Variants in ZMAT3 observed in about 807,000 individuals in gnomAD.
ZMAT3 encodes zinc finger matrin-type 3, also known as zinc finger matrin-type protein 3.
A neutral mutation model predicts 32.3 loss-of-function variants in ZMAT3; 17 were observed. The ratio of observed to expected loss-of-function variants is 0.53; its 90% CI spans 0.36 to 0.79. ZMAT3 has a LOEUF of 0.79. Ranked by LOEUF, ZMAT3 falls within the 30% of genes least tolerant of loss-of-function variation. The pLI, the probability that ZMAT3 is intolerant of heterozygous loss-of-function variation, is 0.00. For synonymous variants in ZMAT3, 120 were observed against 133.1 expected (o/e 0.90, Z 0.68); for missense variants, 329 against 359.7 (o/e 0.91, Z 0.69).
chr3:179,053,230 G>T (rs1364704848), intron 2 of ZMAT3, among the ~76,000 whole-genome samples: 1 of 149,870 alleles, frequency 6.7e-6, no homozygotes, highest in Non-Finnish European at 1.5e-5. Flanking sequence ...AAATTCTATA[G>T]ATATAAAATA....
chr3:179,071,856 G>A (rs1721745930), upstream of ZMAT3: 1 of 152,558 alleles, frequency 6.6e-6, no homozygotes, highest in African/African-American at 2.4e-5. Flanking sequence ...CGCCGGCTCG[G>A]CGTCGCCACT....
At chr3:179,033,531 A>G (rs901803493) in intron 2 of ZMAT3, among the ~76,000 whole-genome samples, 1 of 134,408 alleles carries the variant, frequency 7.4e-6, no homozygotes, top group African/African-American at 3.0e-5. Flanking sequence ...GAAAGAAAAG[A>G]AAAGAAAAGA....
rs754690233 is a variant in ZMAT3, at chr3:179,067,444, T to C, written c.270+39A>G. 7.5e-6 allele frequency: 12 copies of C among 1,604,540 alleles called. No individual in the cohort carries two copies. The South Asian group carries it at 1.1e-4, about 15-fold the overall frequency. On this transcript the variant is annotated intron_variant, in intron 2 of 5. Coordinates refer to ENST00000311417, the MANE Select transcript of ZMAT3 (RefSeq NM_022470.4). ...CTAAATAGCCAGAGCCCTGAAATGT[T>C]CACCCTACTCAATGCCTGGTTTTCT... is the stretch of plus-strand genomic sequence containing the variant.
intron 3 of ZMAT3, 49 bp from the exon 4 acceptor site, chr3:179,027,861 T>C: frequency 6.5e-7 from 1 of 1,548,758 alleles, no homozygotes; most frequent in Non-Finnish European, 8.7e-7. Context: ...AATACAGAGT[T>C]TCCTCCTTCT....
Position 179,023,479 on chromosome 3 carries a change from G to A in ZMAT3, c.*1538C>T, listed in dbSNP as rs1718657241. ...CTCTGTGTATAAAACAGCAGGTGGT[G>A]ATATTTTTCAGGATGGCCACCAGAC... is the stretch of plus-strand genomic sequence containing the variant. On this transcript the variant is annotated 3_prime_UTR_variant, in exon 6 of 6. Transcript: ENST00000311417. The A allele has an allele frequency of 6.6e-6, 1 of 150,652 alleles. No individual in the cohort carries two copies. Among genetic ancestry groups the A allele is most frequent in the Non-Finnish European group, 1.5e-5 (1 of 67,810 alleles). The allele number at this position is 150,652 out of a possible 1,614,324, so 9.3% of individuals were successfully genotyped here. A position where few individuals can be genotyped will look rare whatever the true frequency, so the allele number is the denominator to read the frequency against.
At position 179,018,551 on chromosome 3, in the gene ZMAT3, A is replaced by G. The variant is rs1011110836; in HGVS notation, c.*6466T>C. On this transcript the variant is annotated 3_prime_UTR_variant, in exon 6 of 6. Coordinates refer to ENST00000311417, the MANE Select transcript of ZMAT3 (RefSeq NM_022470.4). ...CCATGAATTTTATCAAACACACACA[A>G]GAATATGAATCTGGAACATTTCAAT... 3 of 152,180 alleles carry G rather than the reference A, an allele frequency of 2.0e-5. No individual in the cohort carries two copies. Among genetic ancestry groups the G allele is most frequent in the African/African-American group, 7.2e-5 (3 of 41,464 alleles). The allele number at this position is 152,180 out of a possible 1,614,324, so 9.4% of individuals were successfully genotyped here.
intron 5 of ZMAT3, 97 bp from the exon 6 acceptor site, chr3:179,025,325 T>C: frequency 9.5e-7 from 1 of 1,055,394 alleles, no homozygotes; most frequent in South Asian, 1.6e-5. Flanking sequence ...AAGTTCAAAT[T>C]ATAAAATTCA....
chr3:179,042,509 T>C (rs1343119205), intron 2 of ZMAT3, among the ~76,000 whole-genome samples: 1 of 152,180 alleles, frequency 6.6e-6, no homozygotes, highest in Non-Finnish European at 1.5e-5. Flanking sequence ...AAAAGGCCTT[T>C]GACAAAACTC....
At chr3:179,027,872 C>T in intron 3 of ZMAT3, 60 bp from the exon 4 acceptor site, 2 of 1,514,820 alleles carry the variant, frequency 1.3e-6, no homozygotes, top group Non-Finnish European at 1.8e-6. Context: ...TCCTCCTTCT[C>T]CTCAAAGGTC....
intron 2 of ZMAT3, among the ~76,000 whole-genome samples, chr3:179,031,282 G>A (rs544785873): frequency 3.4e-4 from 51 of 150,584 alleles, no homozygotes; most frequent in African/African-American, 7.1e-4. Context: ...GAAATATCAC[G>A]GTTTTAGGCT....
At chr3:179,048,693 C>G (rs1202506432) in intron 2 of ZMAT3, among the ~76,000 whole-genome samples, 1 of 149,438 alleles carries the variant, frequency 6.7e-6, no homozygotes. Context: ...CCTCCAAATA[C>G]ACAAAAATAG....
At chr3:179,068,606 G>A (rs895598657) in intron 1 of ZMAT3, among the ~76,000 whole-genome samples, 1 of 152,040 alleles carries the variant, frequency 6.6e-6, no homozygotes, top group African/African-American at 2.4e-5. Flanking sequence ...TCATCTTGCA[G>A]AATTCTTAAA....
rs556871248 is a variant in ZMAT3, at chr3:179,017,888, C to G, written c.*7129G>C. ...CTTTAAAGCAGGATCTGACATACTC[C>G]AGTAAGGCATTTCAAAGCAGACACA... On this transcript the variant is annotated 3_prime_UTR_variant, in exon 6 of 6. Coordinates refer to ENST00000311417, the MANE Select transcript of ZMAT3 (RefSeq NM_022470.4). 1.3e-5 allele frequency: 2 copies of G among 152,256 alleles called. No homozygotes were observed. Among genetic ancestry groups the G allele is most frequent in the South Asian group, 4.1e-4 (2 of 4,828 alleles). The allele number at this position is 152,256 out of a possible 1,614,324, so 9.4% of individuals were successfully genotyped here.
At chr3:179,055,196 A>G (rs1038850796) in intron 2 of ZMAT3, among the ~76,000 whole-genome samples, 1 of 152,182 alleles carries the variant, frequency 6.6e-6, no homozygotes, top group Non-Finnish European at 1.5e-5. Flanking sequence ...AATTGGGACC[A>G]ATGTGACACT....
At chr3:179,052,713 C>G (rs949898203) in intron 2 of ZMAT3, among the ~76,000 whole-genome samples, 1 of 152,128 alleles carries the variant, frequency 6.6e-6, no homozygotes, top group Non-Finnish European at 1.5e-5. Flanking sequence ...TTTATACCAG[C>G]ACAATTTGCA....
intron 2 of ZMAT3, among the ~76,000 whole-genome samples, chr3:179,061,654 G>A (rs923976261): frequency 1.3e-5 from 2 of 151,804 alleles, no homozygotes; most frequent in East Asian, 1.9e-4. Flanking sequence ...CACATATGAA[G>A]CAAACTAAAA....
chr3:179,071,880 GC>G (rs1402198246), upstream of ZMAT3: 6 of 152,514 alleles, frequency 3.9e-5, no homozygotes, highest in African/African-American at 1.4e-4. Flanking sequence ...CATGTGCTTG[GC>G]GGAGCAGGCC....
At position 179,027,663 on chromosome 3, in the gene ZMAT3, A is replaced by G. The variant is rs1352543676; in HGVS notation, c.540T>C (p.Ala180=). ...NHAKRLRLAE[A]QSNSFSESSE... Reference sequence around the variant, plus strand: ...ATACCTACGAGAATGAGTTACTCTGAGCTTCCGCCAGCCGCAGCCTCTTGG... The same window carrying G: ...ATACCTACGAGAATGAGTTACTCTGGGCTTCCGCCAGCCGCAGCCTCTTGG... Residue 180 remains alanine (A), a synonymous_variant, in exon 4 of 6, where the codon GCT becomes GCC. Coordinates refer to ENST00000311417, the MANE Select transcript of ZMAT3 (RefSeq NM_022470.4). 2 of 1,614,064 alleles carry G rather than the reference A, an allele frequency of 1.2e-6. No homozygotes were observed. The highest frequency in any genetic ancestry group is 4.5e-5 in the East Asian group (2 of 44,896).
intron 2 of ZMAT3, among the ~76,000 whole-genome samples, chr3:179,037,581 C>T (rs1719671059): frequency 6.6e-6 from 1 of 152,138 alleles, no homozygotes; most frequent in Non-Finnish European, 1.5e-5. Flanking sequence ...ACACAGCACC[C>T]ACAGAGATTT....
Sources: gnomAD v4.1 joint callset for allele counts (sites outside exome capture counted in the v4.1 genomes callset) on GRCh38, gnomAD v4.1.1 for gene constraint, MANE v1.5 for transcripts, NCBI Gene and HGNC (gene_info 2026-07-23, HGNC 2026-07-21) for gene names.